FHIT: variants seen among roughly 807,000 people sequenced by gnomAD.
The protein encoded by FHIT is bis(5'-adenosyl)-triphosphatase.
Under a neutral mutation model 17.9 loss-of-function variants are expected in FHIT, and 19 were observed. That is an observed-to-expected ratio of 1.06 (90% CI 0.74 to 1.56). The LOEUF (loss-of-function observed/expected upper bound fraction) is 1.56. Ranked by LOEUF, FHIT falls within the 40% of genes most tolerant of loss-of-function variation. The pLI is 0.00. For missense variants in FHIT, 248 were observed against 189.2 expected (o/e 1.31, Z -1.82); for synonymous variants, 81 against 69.7 (o/e 1.16, Z -0.81).
At chr3:60,129,471 C>T (rs1699429663) in intron 5 of FHIT, among the ~76,000 whole-genome samples, 1 of 152,130 alleles carries the variant, frequency 6.6e-6, no homozygotes, top group African/African-American at 2.4e-5. Flanking sequence ...TGTACCTATC[C>T]ATGTCAAAGG....
intron 3 of FHIT, among the ~76,000 whole-genome samples, chr3:60,979,447 G>A (rs930220595): frequency 1.3e-5 from 2 of 152,190 alleles, no homozygotes; most frequent in Admixed American, 1.3e-4. Flanking sequence ...GGAAAAAGGA[G>A]GAGGAGCTAC....
At chr3:60,844,516 A>G (rs1702855095) in intron 3 of FHIT, among the ~76,000 whole-genome samples, 1 of 152,170 alleles carries the variant, frequency 6.6e-6, no homozygotes, top group Admixed American at 6.6e-5. Context: ...TTTTTTAAAA[A>G]AAAATTTCTG....
chr3:59,856,436 G>C lies in FHIT; in HGVS notation c.348+65910C>G, dbSNP rs528564864. ...AACTCTTCCATATGATAGAAAAAAA[G>C]AGATTATTCCCCATAGATTCTGTAA... On this transcript the variant is annotated intron_variant, in intron 8 of 9. Transcript: ENST00000492590. Among the ~76,000 whole-genome samples, 6 of 152,246 alleles carry C rather than the reference G, an allele frequency of 3.9e-5. No homozygotes were observed. In the South Asian group the frequency reaches 8.3e-4, roughly 21 times the overall value.
chr3:59,879,475 T>C (rs903634121), intron 8 of FHIT, among the ~76,000 whole-genome samples: 5 of 152,188 alleles, frequency 3.3e-5, no homozygotes, highest in East Asian at 1.9e-4. Context: ...ATCTGCAAGA[T>C]AGAAAACAAT....
chr3:60,923,637 C>A (rs1553768990), intron 3 of FHIT, among the ~76,000 whole-genome samples: 1 of 152,118 alleles, frequency 6.6e-6, no homozygotes, highest in Non-Finnish European at 1.5e-5. Context: ...GTAAGCAATG[C>A]AGAAGACGGG....
chr3:60,693,920 C>T (rs946455035), intron 4 of FHIT, among the ~76,000 whole-genome samples: 3 of 152,182 alleles, frequency 2.0e-5, no homozygotes, highest in Non-Finnish European at 1.5e-5. Context: ...GCATCCTCTA[C>T]TATTAGTCTG....
At chr3:60,172,582 G>C (rs1033308303) in intron 5 of FHIT, among the ~76,000 whole-genome samples, 1 of 152,120 alleles carries the variant, frequency 6.6e-6, no homozygotes, top group Non-Finnish European at 1.5e-5. Context: ...GGACTGAAGT[G>C]TGTTTTGTTA....
chr3:60,750,546 C>T (rs2042445349), intron 4 of FHIT, among the ~76,000 whole-genome samples: 1 of 152,150 alleles, frequency 6.6e-6, no homozygotes, highest in African/African-American at 2.4e-5. Flanking sequence ...GGGAGTTTCC[C>T]TGCACAAGGT....
intron 2 of FHIT, among the ~76,000 whole-genome samples, chr3:61,103,806 T>C (rs943883118): frequency 6.6e-6 from 1 of 152,210 alleles, no homozygotes; most frequent in Non-Finnish European, 1.5e-5. Context: ...TGCCATTATG[T>C]AATGGCTTTC....
intron 5 of FHIT, among the ~76,000 whole-genome samples, chr3:60,239,578 G>C (rs995062188): frequency 1.3e-5 from 2 of 152,020 alleles, no homozygotes; most frequent in Non-Finnish European, 2.9e-5. Flanking sequence ...ACAAAAAACA[G>C]AATCTTTTTG....
intron 5 of FHIT, among the ~76,000 whole-genome samples, chr3:60,243,040 G>GA (rs1231672273): frequency 6.7e-6 from 1 of 149,924 alleles, no homozygotes; most frequent in Non-Finnish European, 1.5e-5. Context: ...TTATCAGTGT[G>GA]ATGTCAATAT....
chr3:60,807,610 T>C (rs1553734697), intron 4 of FHIT, among the ~76,000 whole-genome samples: 2 of 151,876 alleles, frequency 1.3e-5, no homozygotes, highest in Non-Finnish European at 2.9e-5. Flanking sequence ...AAATAAAATA[T>C]TTCCTGACCA....
intron 5 of FHIT, among the ~76,000 whole-genome samples, chr3:60,421,089 AGATG>A (rs1702448124): frequency 1.3e-5 from 2 of 150,576 alleles, no homozygotes; most frequent in African/African-American, 4.9e-5. Context: ...AGTTTTGATG[AGATG>A]GCTAGAAAAA....
rs550191751 is a variant in FHIT at position 60,262,212 on chromosome 3, T to C, written c.104-248060A>G. 9.2e-5 allele frequency among the ~76,000 whole-genome samples: 14 copies of C among 152,190 alleles called. No homozygotes were observed. In the South Asian group the frequency reaches 2.9e-3, roughly 31 times the overall value. ...ACAGCATCTATGAAGATCCAAAGAA[T>C]GTCAAAGTATAATTTTTAAAAAGTT... On this transcript the variant is annotated intron_variant, in intron 5 of 9. Coordinates refer to ENST00000492590, the MANE Select transcript of FHIT (RefSeq NM_002012.4).
chr3:60,773,932 C>A (rs1196797245), intron 4 of FHIT, among the ~76,000 whole-genome samples: 1 of 152,190 alleles, frequency 6.6e-6, no homozygotes, highest in African/African-American at 2.4e-5. Context: ...TTTCTCAACT[C>A]ATTTCTTCTA....
intron 3 of FHIT, among the ~76,000 whole-genome samples, chr3:60,985,874 G>A (rs1248302056): frequency 6.6e-6 from 1 of 152,172 alleles, no homozygotes; most frequent in Non-Finnish European, 1.5e-5. Context: ...TGTTCCTTCT[G>A]GAGGCTCCAG....
intron 2 of FHIT, among the ~76,000 whole-genome samples, chr3:61,064,468 T>C (rs953433748): frequency 6.6e-6 from 1 of 152,190 alleles, no homozygotes; most frequent in African/African-American, 2.4e-5. Context: ...ATTTGAGGTT[T>C]CTTATATAGG....
At chr3:61,241,007 A>G (rs1405635927) in intron 1 of FHIT, among the ~76,000 whole-genome samples, 1 of 152,210 alleles carries the variant, frequency 6.6e-6, no homozygotes, top group African/African-American at 2.4e-5. Flanking sequence ...CATCCAGTGA[A>G]AATCAGACCT....
intron 5 of FHIT, among the ~76,000 whole-genome samples, chr3:60,342,537 T>C (rs755213409): frequency 4.6e-5 from 7 of 152,248 alleles, no homozygotes; most frequent in Non-Finnish European, 1.0e-4. Context: ...AAGCTTTTAA[T>C]AGATTGAATA....
Sources: gnomAD v4.1 joint callset for allele counts (sites outside exome capture counted in the v4.1 genomes callset) on GRCh38, gnomAD v4.1.1 for gene constraint, MANE v1.5 for transcripts, NCBI Gene and HGNC (gene_info 2026-07-23, HGNC 2026-07-21) for gene names.